Variants in CATSPERG observed in about 807,000 individuals in gnomAD.
CATSPERG encodes cation channel sperm-associated auxiliary subunit gamma.
A neutral mutation model predicts 145.0 loss-of-function variants in CATSPERG; 115 were observed. The observed-to-expected ratio is 0.79, with a 90% CI of 0.68 to 0.93. The LOEUF is 0.93. Ranked by LOEUF, CATSPERG falls within the 40% of genes least tolerant of loss-of-function variation. CATSPERG has a pLI of 0.00. For synonymous variants in CATSPERG, 588 were observed against 589.0 expected (o/e 1.00, Z 0.02); for missense variants, 1,296 against 1,490.1 (o/e 0.87, Z 2.14).
intron 13 of CATSPERG, among the ~76,000 whole-genome samples, chr19:38,358,972 C>T (rs1970296765): frequency 6.6e-6 from 1 of 152,116 alleles, no homozygotes; most frequent in South Asian, 2.1e-4. Flanking sequence ...GCATCAGACT[C>T]CCGAGTAGCT....
At chr19:38,359,862 G>A in intron 14 of CATSPERG, 2 of 1,156,882 alleles carry the variant, frequency 1.7e-6, no homozygotes, top group Non-Finnish European at 2.2e-6. Flanking sequence ...CATTTACTGT[G>A]TGCCTGCCCC....
Position 38,355,202 on chromosome 19 carries a change from G to C in CATSPERG, c.1135+355G>C, listed in dbSNP as rs1302884370. Among the ~76,000 whole-genome samples, 4 of 151,620 alleles carry C rather than the reference G, an allele frequency of 2.6e-5. No individual in the cohort carries two copies. The East Asian group carries it at 7.7e-4, about 29-fold the overall frequency. On this transcript the variant is annotated intron_variant, in intron 9 of 28. Coordinates refer to ENST00000409235, the MANE Select transcript of CATSPERG (RefSeq NM_021185.5). Reference sequence around the variant, plus strand: ...TCTACTAAAAATAAAAAAATTAGTTGGGCGTGGTGGCAGGCGCCTGTAATC... The same window carrying C: ...TCTACTAAAAATAAAAAAATTAGTTCGGCGTGGTGGCAGGCGCCTGTAATC...
chr19:38,340,646 G>T (rs533106077), intron 3 of CATSPERG, among the ~76,000 whole-genome samples: 1 of 151,840 alleles, frequency 6.6e-6, no homozygotes, highest in Non-Finnish European at 1.5e-5. Flanking sequence ...TAGAGACAGG[G>T]TCTTGCGCTG....
chr19:38,342,092 A>G (rs1969947607), intron 3 of CATSPERG, among the ~76,000 whole-genome samples: 1 of 150,988 alleles, frequency 6.6e-6, no homozygotes. Context: ...AAAAAAAAAA[A>G]AAGCCAGGTG....
Position 38,367,230 on chromosome 19 carries a change from G to A in CATSPERG, c.2688G>A (p.Leu896=), listed in dbSNP as rs751366111. The change falls in exon 23 of 29, where the codon CTG becomes CTA. Residue 896 remains leucine (L), a synonymous_variant. Transcript: ENST00000409235. ...TGGCCTTCGACATCACCTACACGCT[G>A]GAATACAGCCGCCTGAAGAACAAAC... ...KRLAFDITYT[L]EYSRLKNKHY... 1.2e-6 allele frequency: 2 copies of A among 1,613,910 alleles called. No homozygotes were observed. Among genetic ancestry groups the A allele is most frequent in the South Asian group, 2.2e-5 (2 of 91,062 alleles).
intron 1 of CATSPERG, chr19:38,336,479 G>A (rs1037855652): frequency 1.0e-5 from 3 of 299,744 alleles, no homozygotes; most frequent in Admixed American, 9.2e-5. Flanking sequence ...TGAGGAGCAA[G>A]CCCCGGGCGA....
At chr19:38,356,579 T>A in intron 10 of CATSPERG, 36 bp downstream of exon 10, 2 of 1,605,458 alleles carry the variant, frequency 1.2e-6, no homozygotes, top group Non-Finnish European at 1.7e-6. Context: ...GGTGGGAGGC[T>A]GGGGGAACTG....
chr19:38,336,120 T>C, intron 1 of CATSPERG: 1 of 435,510 alleles, frequency 2.3e-6, no homozygotes, highest in South Asian at 1.6e-5. Flanking sequence ...AGTCGGGGTA[T>C]AGAGCAGGCA....
intron 3 of CATSPERG, among the ~76,000 whole-genome samples, chr19:38,339,257 G>A (rs116683729): frequency 0.01 from 1,507 of 147,752 alleles, 23 homozygotes; most frequent in African/African-American, 0.034. Flanking sequence ...TCCTGGGAGC[G>A]CAAGGAGCAA....
chr19:38,357,515 CA>C (rs3033507), intron 11 of CATSPERG, among the ~76,000 whole-genome samples: 164 of 133,966 alleles, frequency 1.2e-3, no homozygotes, highest in Middle Eastern at 3.8e-3. Flanking sequence ...GACCCGGTCT[CA>C]AAAAAAAAAA....
chr19:38,363,369 G>A (rs996464956), intron 20 of CATSPERG, among the ~76,000 whole-genome samples: 4 of 151,990 alleles, frequency 2.6e-5, no homozygotes, highest in African/African-American at 9.6e-5. Context: ...AGAGACGGGG[G>A]TCTCCCTATG....
chr19:38,354,159 T>C (rs904170784), intron 8 of CATSPERG, among the ~76,000 whole-genome samples: 4 of 152,194 alleles, frequency 2.6e-5, no homozygotes, highest in Non-Finnish European at 5.9e-5. Flanking sequence ...TTAGTCTCTT[T>C]CTTACTTTGG....
chr19:38,344,463 G>T (rs1226984612), intron 6 of CATSPERG, 95 bp downstream of exon 6: 1 of 1,073,372 alleles, frequency 9.3e-7, no homozygotes, highest in African/African-American at 1.6e-5. Flanking sequence ...CATTTAGGGA[G>T]CACCAACTTC....
chr19:38,353,339 AAG>A (rs914413552), intron 8 of CATSPERG, among the ~76,000 whole-genome samples: 3 of 151,056 alleles, frequency 2.0e-5, no homozygotes, highest in African/African-American at 4.9e-5. Context: ...GTTTAAAAAA[AAG>A]AGAGAGGAAA....
At chr19:38,367,108 C>T (rs936803124) in intron 22 of CATSPERG, 48 bp from the exon 23 acceptor site, 21 of 1,565,024 alleles carry the variant, frequency 1.3e-5, no homozygotes, top group Admixed American at 1.9e-5. Flanking sequence ...CTCCAGGGGC[C>T]TGAGGAGACC....
Position 38,344,081 on chromosome 19 carries a change from C to G in CATSPERG, c.558C>G (p.Ile186Met). Residue 186 changes from isoleucine (I) to methionine (M), a missense_variant, in exon 5 of 29, where the codon ATC becomes ATG. Ile to Met is a conservative substitution (Grantham distance 10). Transcript: ENST00000409235. ...GCAGTGTGGTCATGCGTGTGGACAT[C>G]AGCAGCAATGGCCTGGGGACCTTCA... Reference protein sequence around the residue: ...KKGSVVMRVDISSNGLGTFIP... With the variant: ...KKGSVVMRVDMSSNGLGTFIP... 1 of 1,551,612 alleles carries G rather than the reference C, an allele frequency of 6.4e-7. No individual in the cohort carries two copies. The highest frequency in any genetic ancestry group is 8.7e-7 in the Non-Finnish European group (1 of 1,146,934).
chr19:38,356,140 G>A (rs898285243), intron 9 of CATSPERG, among the ~76,000 whole-genome samples: 6 of 152,114 alleles, frequency 3.9e-5, no homozygotes, highest in Non-Finnish European at 7.4e-5. Context: ...GAGGTTAAAG[G>A]TGGCCCCTTA....
intron 1 of CATSPERG, chr19:38,336,409 G>A (rs1270860518): frequency 2.9e-6 from 1 of 350,300 alleles, no homozygotes; most frequent in Non-Finnish European, 5.7e-6. Flanking sequence ...ACCCGGGGAA[G>A]GAACGGGTCC....
rs749444722 is a variant in CATSPERG at position 38,362,254 on chromosome 19, G to C, written c.2139G>C (p.Ala713=). 2 of 1,612,482 alleles carry C rather than the reference G, an allele frequency of 1.2e-6. No individual in the cohort carries two copies. The highest frequency in any genetic ancestry group is 2.7e-5 in the African/African-American group (2 of 74,864). ...ACGACCCCACCTGGCGCTGGTGGGC[G>C]AACAACAAACAAGACCAGGTAGGCG... The part of the protein sequence containing the change: ...PVHDPTWRWW[A]NNKQDQDYYF... The change falls in exon 18 of 29, where the codon GCG becomes GCC. Residue 713 remains alanine, a synonymous_variant. Coordinates refer to ENST00000409235, the MANE Select transcript of CATSPERG (RefSeq NM_021185.5).
Sources: gnomAD v4.1 joint callset for allele counts (sites outside exome capture counted in the v4.1 genomes callset) on GRCh38, gnomAD v4.1.1 for gene constraint, MANE v1.5 for transcripts, NCBI Gene and HGNC (gene_info 2026-07-23, HGNC 2026-07-21) for gene names.